FAT3: variants seen among roughly 807,000 people sequenced by gnomAD.
FAT3 encodes protocadherin Fat 3.
FAT3 carries 95 observed loss-of-function variants against 310.2 expected under a neutral mutation model. The ratio of observed to expected loss-of-function variants is 0.31; its 90% CI spans 0.26 to 0.36. The LOEUF (loss-of-function observed/expected upper bound fraction) is 0.36. Ranked by LOEUF, FAT3 falls within the 10% of genes least tolerant of loss-of-function variation. The pLI is 1.00. For synonymous variants in FAT3, 2,314 were observed against 2,192.9 expected (o/e 1.06, Z -1.54); for missense variants, 5,408 against 5,715.6 (o/e 0.95, Z 1.74).
In FAT3 at chr11:92,352,825, T is replaced by A; in HGVS notation, c.713T>A (p.Met238Lys). ...GAAATTTTGGCTGTGGACCGGGGAA[T>A]GAAACTGTATGGGAACAATGGAGTG... ...DLEILAVDRGMKLYGNNGVSS... is the reference protein window; with the variant it reads ...DLEILAVDRGKKLYGNNGVSS... Residue 238 changes from methionine (M) to lysine (K), a missense_variant, in exon 2 of 28, where the codon ATG becomes AAG. Physicochemically the swap from Met to Lys is moderately conservative, Grantham distance 95. Around this residue, in one of 5 missense-constraint regions of FAT3, gnomAD observed 4,588 missense variants for 4,809.8 expected, o/e 0.95. Transcript: ENST00000525166. 6.2e-7 allele frequency: 1 copy of A among 1,613,956 alleles called. No individual in the cohort carries two copies. The highest frequency in any genetic ancestry group is 8.5e-7 in the Non-Finnish European group (1 of 1,179,878).
chr11:92,598,433 C>T (rs990778621), intron 3 of FAT3, among the ~76,000 whole-genome samples: 8 of 151,798 alleles, frequency 5.3e-5, no homozygotes, highest in Admixed American at 4.6e-4. Context: ...CTATGTTGCC[C>T]GGGCTGATCC....
At chr11:92,364,605 T>C (rs190716909) in intron 2 of FAT3, among the ~76,000 whole-genome samples, 32 of 152,330 alleles carry the variant, frequency 2.1e-4, no homozygotes, top group Non-Finnish European at 1.2e-4. Flanking sequence ...GAAATGAAAA[T>C]TAAAATGGGC....
At chr11:92,615,189 G>T (rs1024899971) in intron 3 of FAT3, among the ~76,000 whole-genome samples, 7 of 152,066 alleles carry the variant, frequency 4.6e-5, no homozygotes, top group African/African-American at 1.7e-4. Context: ...TTTGTTCCTT[G>T]CATTTTCATG....
rs149396077 is a variant in FAT3 at position 92,450,407 on chromosome 11, G to C, written c.3293-74227G>C. Among the ~76,000 whole-genome samples, 336 of 152,258 alleles carry C rather than the reference G, an allele frequency of 2.2e-3. 4 individuals carry two copies. The highest frequency in any genetic ancestry group is 7.5e-3 in the African/African-American group (311 of 41,560). Reference sequence around the variant, plus strand: ...TCCTGTGGCTGTGGGGGGTTGGGTAGGGTAGGGATTTATGGGTATGATTCC... The same window carrying C: ...TCCTGTGGCTGTGGGGGGTTGGGTACGGTAGGGATTTATGGGTATGATTCC... On this transcript the variant is annotated intron_variant, in intron 2 of 27. Transcript: ENST00000525166.
At chr11:92,647,303 T>G (rs1328629009) in intron 3 of FAT3, among the ~76,000 whole-genome samples, 1 of 152,058 alleles carries the variant, frequency 6.6e-6, no homozygotes, top group Non-Finnish European at 1.5e-5. Flanking sequence ...AACATATAGT[T>G]TAGGTAGGAT....
At chr11:92,403,412 G>A (rs367726579) in intron 2 of FAT3, 10 of 152,108 alleles carry the variant, frequency 6.6e-5, no homozygotes, top group African/African-American at 2.2e-4. Flanking sequence ...AATGTTCTTT[G>A]TAACATTGAG....
intron 2 of FAT3, among the ~76,000 whole-genome samples, chr11:92,429,813 T>C (rs1950725000): frequency 6.6e-6 from 1 of 152,190 alleles, no homozygotes; most frequent in Non-Finnish European, 1.5e-5. Flanking sequence ...TTAACATTTT[T>C]TCCTTCATTT....
intron 11 of FAT3, among the ~76,000 whole-genome samples, chr11:92,805,823 G>A (rs1947493057): frequency 6.6e-6 from 1 of 152,124 alleles, no homozygotes; most frequent in African/African-American, 2.4e-5. Context: ...CAAGGTACAA[G>A]TACTAGATTT....
chr11:92,368,206 G>T (rs1488180275), intron 2 of FAT3, among the ~76,000 whole-genome samples: 1 of 151,996 alleles, frequency 6.6e-6, no homozygotes, highest in Non-Finnish European at 1.5e-5. Context: ...AAATAAGAAA[G>T]ATTATTTAAT....
At position 92,848,825 on chromosome 11, in the gene FAT3, T is replaced by G. The variant is rs117951205; in HGVS notation, c.11365+4093T>G. ...ACTGTCATAGGGTTTGCTCAGTGTATAAAGAGGAATCACTGGAGGTGGTGC... is the reference window on the plus strand; with the variant it reads ...ACTGTCATAGGGTTTGCTCAGTGTAGAAAGAGGAATCACTGGAGGTGGTGC... On this transcript the variant is annotated intron_variant, in intron 19 of 27. Transcript: ENST00000525166. 1.9e-3 allele frequency among the ~76,000 whole-genome samples: 295 copies of G among 152,266 alleles called. 1 individual carries two copies. Among genetic ancestry groups the G allele is most frequent in the Non-Finnish European group, 3.6e-3 (248 of 68,006 alleles).
chr11:92,570,885 C>T (rs1412962122), intron 3 of FAT3, among the ~76,000 whole-genome samples: 4 of 152,114 alleles, frequency 2.6e-5, no homozygotes, highest in Non-Finnish European at 5.9e-5. Flanking sequence ...TGGAAGCTTG[C>T]TCATTTGTTC....
Position 92,353,301 on chromosome 11 carries a change from A to G in FAT3, c.1189A>G (p.Ile397Val), listed in dbSNP as rs374388803. ...TTCCCCTCCTGGTGTCGTGGTTGCT[A>G]TAGTAAAATTAAGTCCTGAACCGAT... Reference protein sequence around the residue: ...EFSPPGVVVAIVKLSPEPIDV... With the variant: ...EFSPPGVVVAVVKLSPEPIDV... The change falls in exon 2 of 28, where the codon ATA becomes GTA. Residue 397 changes from isoleucine (I) to valine (V), a missense_variant. Ile to Val is a conservative substitution (Grantham distance 29). This residue lies in a region of FAT3 where 4,588 missense variants were observed against 4,809.8 expected (regional missense o/e 0.95). Coordinates refer to ENST00000525166, the MANE Select transcript of FAT3 (RefSeq NM_001367949.2). The G allele has an allele frequency of 1.8e-5, 29 of 1,613,556 alleles. No individual in the cohort carries two copies. Among genetic ancestry groups the G allele is most frequent in the African/African-American group, 6.7e-5 (5 of 74,934 alleles).
rs899718160 is a variant in FAT3, at chr11:92,857,447, C to CTA, written c.11500+100_11500+101insAT. The CTA allele has an allele frequency of 1.4e-5, 21 of 1,516,638 alleles. No individual in the cohort carries two copies. In the African/African-American group the frequency reaches 2.9e-4, roughly 21 times the overall value. The allele number at this position is 1,516,638 out of a possible 1,614,324, so 93.9% of individuals were successfully genotyped here. ...ATCCAAGTCCTCCCAGAAAACGTTT[C>CTA]TTTATGCATGCAACCTTTTCCTTTA... On this transcript the variant is annotated intron_variant, in intron 20 of 27. Coordinates refer to ENST00000525166, the MANE Select transcript of FAT3 (RefSeq NM_001367949.2).
At chr11:92,453,220 A>C (rs1396450789) in intron 2 of FAT3, among the ~76,000 whole-genome samples, 1 of 152,220 alleles carries the variant, frequency 6.6e-6, no homozygotes, top group Non-Finnish European at 1.5e-5. Flanking sequence ...GCCTGGAGTC[A>C]GTGAATGAGT....
At chr11:92,643,088 C>G (rs1942024767) in intron 3 of FAT3, among the ~76,000 whole-genome samples, 1 of 152,174 alleles carries the variant, frequency 6.6e-6, no homozygotes, top group African/African-American at 2.4e-5. Flanking sequence ...ATAACGAAGC[C>G]AAATCCCAAA....
chr11:92,486,130 G>GT (rs71064714), intron 2 of FAT3, among the ~76,000 whole-genome samples: 4,769 of 37,102 alleles, frequency 0.13, 848 homozygotes, highest in South Asian at 0.21. Context: ...GGCTGCTGGG[G>GT]TTTTTTTTTT....
intron 4 of FAT3, among the ~76,000 whole-genome samples, chr11:92,745,475 A>G (rs1364084859): frequency 6.6e-6 from 1 of 152,004 alleles, no homozygotes; most frequent in African/African-American, 2.4e-5. Context: ...GCTGATAGGG[A>G]AGATTAGAAT....
intron 1 of FAT3, among the ~76,000 whole-genome samples, chr11:92,283,548 C>T (rs929014704): frequency 6.6e-6 from 1 of 152,112 alleles, no homozygotes; most frequent in Non-Finnish European, 1.5e-5. Context: ...AGAGTTGAAT[C>T]CAGTTTCTTT....
intron 13 of FAT3, among the ~76,000 whole-genome samples, chr11:92,830,872 A>G (rs150356940): frequency 3.3e-5 from 5 of 152,244 alleles, no homozygotes; most frequent in South Asian, 2.1e-4. Flanking sequence ...TTCAGAATAC[A>G]TCCAGGAACC....
Sources: gnomAD v4.1 joint callset for allele counts (sites outside exome capture counted in the v4.1 genomes callset) on GRCh38, gnomAD v4.1.1 for gene constraint, gnomAD v4.1.1 regional missense constraint, MANE v1.5 for transcripts, NCBI Gene and HGNC (gene_info 2026-07-23, HGNC 2026-07-21) for gene names.